Variants in RASAL2 observed in about 807,000 individuals in gnomAD.
The protein encoded by RASAL2 is ras GTPase-activating protein nGAP.
Under a neutral mutation model 128.9 loss-of-function variants are expected in RASAL2, and 58 were observed. That is an observed-to-expected ratio of 0.45 (90% CI 0.36 to 0.56). The LOEUF is 0.56. RASAL2 is among the 20% of genes least tolerant of loss of function. The pLI is 0.00. For synonymous variants in RASAL2, 561 were observed against 580.8 expected (o/e 0.97, Z 0.49); for missense variants, 1,360 against 1,601.6 (o/e 0.85, Z 2.57).
chr1:178,277,937 A>G (rs76612486), intron 1 of RASAL2, among the ~76,000 whole-genome samples: 1,721 of 152,274 alleles, frequency 0.011, 26 homozygotes, highest in Non-Finnish European at 0.019. Flanking sequence ...AGTCTCACCA[A>G]TGCAACACAG....
rs563240457 is a variant in RASAL2 at position 178,304,547 on chromosome 1, C to T, written c.457+4429C>T. On this transcript the variant is annotated intron_variant, in intron 3 of 17. Coordinates refer to ENST00000367649, the MANE Select transcript of RASAL2 (RefSeq NM_170692.4). Reference sequence around the variant, plus strand: ...CAAAAACAAAACAAAACAAAAACCACACATTAGATTAAGTGACATTAGGGT... The same window carrying T: ...CAAAAACAAAACAAAACAAAAACCATACATTAGATTAAGTGACATTAGGGT... Among the ~76,000 whole-genome samples the T allele has an allele frequency of 3.9e-5, 6 of 152,050 alleles. No individual in the cohort carries two copies. The East Asian group carries it at 1.2e-3, about 29-fold the overall frequency.
chr1:178,288,117 A>G (rs1667116435), intron 2 of RASAL2, among the ~76,000 whole-genome samples: 1 of 152,234 alleles, frequency 6.6e-6, no homozygotes, highest in Admixed American at 6.5e-5. Flanking sequence ...TAAAAATTGT[A>G]TATATTCATG....
intron 1 of RASAL2, among the ~76,000 whole-genome samples, chr1:178,263,420 T>A (rs114270601): frequency 1.3e-5 from 2 of 152,298 alleles, no homozygotes; most frequent in African/African-American, 2.4e-5. Flanking sequence ...AAGTTAAGTA[T>A]CTTGACTAGA....
intron 3 of RASAL2, among the ~76,000 whole-genome samples, chr1:178,358,243 A>G (rs1298248218): frequency 1.2e-4 from 16 of 136,694 alleles, no homozygotes; most frequent in Non-Finnish European, 1.8e-4. Flanking sequence ...CTCCTAAAAA[A>G]AAAAAAAAAA....
At chr1:178,426,708 A>ATGC (rs1373772560) in intron 5 of RASAL2, among the ~76,000 whole-genome samples, 16 of 152,256 alleles carry the variant, frequency 1.1e-4, no homozygotes, top group African/African-American at 3.9e-4. Context: ...AAACAATGAA[A>ATGC]ACCAGACGTT....
intron 1 of RASAL2, among the ~76,000 whole-genome samples, chr1:178,123,488 C>T (rs1427716325): frequency 6.6e-6 from 1 of 152,156 alleles, no homozygotes; most frequent in African/African-American, 2.4e-5. Flanking sequence ...TGTAATGCTT[C>T]TAAAAACTAC....
At chr1:178,328,783 G>A (rs1247318010) in intron 3 of RASAL2, among the ~76,000 whole-genome samples, 1 of 152,138 alleles carries the variant, frequency 6.6e-6, no homozygotes, top group East Asian at 1.9e-4. Flanking sequence ...ACCCAGGTCT[G>A]TATGACTTTA....
chr1:178,108,916 A>G (rs1484081312), intron 1 of RASAL2, among the ~76,000 whole-genome samples: 3 of 152,214 alleles, frequency 2.0e-5, no homozygotes, highest in African/African-American at 7.2e-5. Flanking sequence ...TTTTGTATTT[A>G]AAAAAGGTTA....
intron 3 of RASAL2, among the ~76,000 whole-genome samples, chr1:178,382,038 G>T (rs1356548410): frequency 1.3e-5 from 2 of 152,054 alleles, no homozygotes; most frequent in East Asian, 1.9e-4. Context: ...TTTAGTAATT[G>T]TTCTTTGCAA....
At chr1:178,272,438 A>C (rs1666305396) in intron 1 of RASAL2, among the ~76,000 whole-genome samples, 1 of 152,076 alleles carries the variant, frequency 6.6e-6, no homozygotes, top group Non-Finnish European at 1.5e-5. Context: ...CTCTACATTA[A>C]AGGACCCCCC....
At chr1:178,450,659 A>G (rs1315624939) in intron 9 of RASAL2, among the ~76,000 whole-genome samples, 1 of 152,166 alleles carries the variant, frequency 6.6e-6, no homozygotes, top group East Asian at 1.9e-4. Context: ...TAATAAACAC[A>G]TATTTAGGAG....
chr1:178,370,756 A>T (rs1671658746), intron 3 of RASAL2, among the ~76,000 whole-genome samples: 1 of 152,172 alleles, frequency 6.6e-6, no homozygotes, highest in South Asian at 2.1e-4. Context: ...AGCCACTAGG[A>T]TTACAAAGAT....
intron 1 of RASAL2, among the ~76,000 whole-genome samples, chr1:178,167,061 T>G (rs768394058): frequency 1.3e-5 from 2 of 152,102 alleles, no homozygotes; most frequent in Non-Finnish European, 2.9e-5. Flanking sequence ...AACAAAAAAT[T>G]TCCTAACTGA....
chr1:178,219,790 A>T (rs1471171823), intron 1 of RASAL2, among the ~76,000 whole-genome samples: 2 of 151,830 alleles, frequency 1.3e-5, no homozygotes, highest in Non-Finnish European at 2.9e-5. Flanking sequence ...GAGATATGTG[A>T]CTCTTCCTTT....
rs925017536 is a variant in RASAL2, at chr1:178,442,660, G to A, written c.928-15G>A. On this transcript the variant is annotated splice_polypyrimidine_tract_variant and intron_variant, in intron 7 of 17. Transcript: ENST00000367649. ...AATGTCAGCTCTGAAATTCAGCTTTGTTGCCTCTTTATAGGACAATTGCAG... is the reference window on the plus strand; with the variant it reads ...AATGTCAGCTCTGAAATTCAGCTTTATTGCCTCTTTATAGGACAATTGCAG... 1 of 1,560,358 alleles carries A rather than the reference G, an allele frequency of 6.4e-7. No individual in the cohort carries two copies. Among genetic ancestry groups the A allele is most frequent in the Non-Finnish European group, 8.6e-7 (1 of 1,158,258 alleles).
At chr1:178,260,747 C>T (rs889871463) in intron 1 of RASAL2, among the ~76,000 whole-genome samples, 1 of 151,954 alleles carries the variant, frequency 6.6e-6, no homozygotes, top group Non-Finnish European at 1.5e-5. Context: ...CAAATTTCTC[C>T]ACTCCTTCTG....
chr1:178,239,554 T>C, intron 1 of RASAL2, among the ~76,000 whole-genome samples: 1 of 152,130 alleles, frequency 6.6e-6, no homozygotes, highest in East Asian at 1.9e-4. Context: ...AATAAATCTT[T>C]CTTTGAGAAA....
At chr1:178,319,508 TC>T (rs1473504519) in intron 3 of RASAL2, among the ~76,000 whole-genome samples, 4 of 150,370 alleles carry the variant, frequency 2.7e-5, no homozygotes, top group Non-Finnish European at 5.9e-5. Context: ...TATTCTTTTT[TC>T]TCTAAACTTC....
chr1:178,241,004 C>G (rs1333308162), intron 1 of RASAL2, among the ~76,000 whole-genome samples: 1 of 151,310 alleles, frequency 6.6e-6, no homozygotes, highest in Non-Finnish European at 1.5e-5. Flanking sequence ...TCACATTGTT[C>G]TAATTGACCA....
Sources: allele counts gnomAD v4.1 joint callset (sites outside exome capture counted in the v4.1 genomes callset), GRCh38; gene constraint gnomAD v4.1.1; transcripts MANE v1.5; gene names NCBI Gene and HGNC (gene_info 2026-07-23, HGNC 2026-07-21).